Variants in LRRTM4 observed in about 807,000 individuals in gnomAD.
The protein encoded by LRRTM4 is leucine-rich repeat transmembrane neuronal protein 4.
A neutral mutation model predicts 47.6 loss-of-function variants in LRRTM4; 25 were observed. That is an observed-to-expected ratio of 0.53 (90% confidence interval 0.38 to 0.73). The LOEUF (loss-of-function observed/expected upper bound fraction) is 0.73, where lower values mean the gene tolerates loss of function less well. Ranked by LOEUF, LRRTM4 falls within the 30% of genes least tolerant of loss-of-function variation. LRRTM4 has a pLI of 0.00. For synonymous variants in LRRTM4, 311 were observed against 269.5 expected (o/e 1.15, Z -1.51); for missense variants, 638 against 713.4 (o/e 0.89, Z 1.20).
intron 3 of LRRTM4, among the ~76,000 whole-genome samples, chr2:77,053,522 T>G (rs1480431183): frequency 1.3e-5 from 2 of 152,198 alleles, no homozygotes; most frequent in Non-Finnish European, 2.9e-5. Flanking sequence ...TAAAGTTTGC[T>G]TTGTGTTTTC....
At chr2:77,122,686 T>C (rs535936220) in intron 3 of LRRTM4, among the ~76,000 whole-genome samples, 5 of 151,810 alleles carry the variant, frequency 3.3e-5, no homozygotes, top group Admixed American at 2.6e-4. Context: ...CTATTCACCA[T>C]AAATTTTTTT....
At chr2:77,035,321 T>C (rs925316390) in intron 3 of LRRTM4, among the ~76,000 whole-genome samples, 1 of 151,596 alleles carries the variant, frequency 6.6e-6, no homozygotes, top group Non-Finnish European at 1.5e-5. Context: ...TTTACTCAAG[T>C]TCCCCCGATG....
chr2:77,395,391 G>T (rs1673662823), intron 3 of LRRTM4, among the ~76,000 whole-genome samples: 1 of 151,940 alleles, frequency 6.6e-6, no homozygotes, highest in Admixed American at 6.6e-5. Flanking sequence ...AGGTATTAAT[G>T]TAGCCTGAGA....
intron 3 of LRRTM4, among the ~76,000 whole-genome samples, chr2:77,151,522 C>A (rs543324883): frequency 6.6e-6 from 1 of 152,256 alleles, no homozygotes; most frequent in Non-Finnish European, 1.5e-5. Flanking sequence ...AAATGTGGAA[C>A]AACCCAAGTG....
chr2:77,471,071 T>C (rs569327187), intron 3 of LRRTM4, among the ~76,000 whole-genome samples: 1 of 152,182 alleles, frequency 6.6e-6, no homozygotes, highest in African/African-American at 2.4e-5. Flanking sequence ...GTTCAGGCCT[T>C]TTCCCTGAAC....
chr2:77,221,311 A>C (rs1236161612), intron 3 of LRRTM4, among the ~76,000 whole-genome samples: 1 of 152,194 alleles, frequency 6.6e-6, no homozygotes, highest in East Asian at 1.9e-4. Context: ...CGAGCAAAAT[A>C]ACCAGCTAAC....
intron 3 of LRRTM4, among the ~76,000 whole-genome samples, chr2:77,388,007 A>C (rs1296338856): frequency 6.6e-6 from 1 of 152,048 alleles, no homozygotes; most frequent in East Asian, 1.9e-4. Context: ...TTTTCTGCTC[A>C]GATCACTCCT....
In LRRTM4 at chr2:77,370,269, C is replaced by T. The variant is rs1167362082; in HGVS notation, c.1551+148049G>A. Among the ~76,000 whole-genome samples the T allele has an allele frequency of 4.0e-5, 6 of 151,596 alleles. No homozygotes were observed. In the Admixed American group the frequency reaches 4.0e-4, roughly 10 times the overall value. On this transcript the variant is annotated intron_variant, in intron 3 of 3. Transcript: ENST00000409884. ...TGGACTCCCCTAAGGCTAATTCAAA[C>T]TCATGCCTGGAAAGAATCAAAAAAA... is the stretch of plus-strand genomic sequence containing the variant.
chr2:77,446,678 A>G (rs571987582), intron 3 of LRRTM4, among the ~76,000 whole-genome samples: 1 of 151,964 alleles, frequency 6.6e-6, no homozygotes, highest in Non-Finnish European at 1.5e-5. Context: ...CAAGAGTCAG[A>G]GCTTGGACTT....
intron 3 of LRRTM4, among the ~76,000 whole-genome samples, chr2:76,839,022 C>A (rs1431666086): frequency 1.3e-5 from 2 of 152,002 alleles, no homozygotes; most frequent in Admixed American, 6.6e-5. Context: ...ATGTGGGTAC[C>A]ATTATAGGAG....
intron 3 of LRRTM4, among the ~76,000 whole-genome samples, chr2:77,052,438 G>A (rs1007904307): frequency 6.6e-6 from 1 of 151,758 alleles, no homozygotes; most frequent in African/African-American, 2.4e-5. Context: ...CAAAGTGCTG[G>A]GATTACAGGT....
In LRRTM4 at chr2:76,784,119, A is replaced by G. The variant is rs377002899; in HGVS notation, c.1552-35203T>C. Among the ~76,000 whole-genome samples, 11 of 152,078 alleles carry G rather than the reference A, an allele frequency of 7.2e-5. No individual in the cohort carries two copies. The East Asian group carries it at 1.5e-3, about 21-fold the overall frequency. Reference sequence around the variant, plus strand: ...ATCCCCAAATTCATGATATATTAATATTTATCTGTTTTAATGTTCAGTGGT... The same window carrying G: ...ATCCCCAAATTCATGATATATTAATGTTTATCTGTTTTAATGTTCAGTGGT... On this transcript the variant is annotated intron_variant, in intron 3 of 3. Coordinates refer to ENST00000409884, the MANE Select transcript of LRRTM4 (RefSeq NM_001134745.3).
At chr2:77,491,767 A>G (rs1026278811) in intron 3 of LRRTM4, among the ~76,000 whole-genome samples, 1 of 151,938 alleles carries the variant, frequency 6.6e-6, no homozygotes, top group African/African-American at 2.4e-5. Flanking sequence ...GGCAGTGGGA[A>G]TGAAATTATT....
intron 3 of LRRTM4, among the ~76,000 whole-genome samples, chr2:76,806,623 G>T (rs1338004751): frequency 1.3e-5 from 2 of 151,774 alleles, no homozygotes; most frequent in African/African-American, 4.8e-5. Context: ...ATTTATAAAT[G>T]AATAACAGTT....
intron 3 of LRRTM4, among the ~76,000 whole-genome samples, chr2:77,056,290 T>C (rs1210358971): frequency 2.0e-5 from 3 of 152,152 alleles, no homozygotes; most frequent in African/African-American, 7.2e-5. Context: ...TTCTATGAAA[T>C]AAACTTGCTT....
chr2:77,170,957 T>TATGTATTATTAC (rs1234838952), intron 3 of LRRTM4, among the ~76,000 whole-genome samples: 1 of 150,554 alleles, frequency 6.6e-6, no homozygotes, highest in Non-Finnish European at 1.5e-5. Context: ...ATATGTATTA[T>TATGTATTATTAC]ATGTACGTAT....
chr2:77,083,761 T>C (rs1179136442), intron 3 of LRRTM4, among the ~76,000 whole-genome samples: 1 of 147,926 alleles, frequency 6.8e-6, no homozygotes, highest in Admixed American at 6.8e-5. Context: ...TAACAAAACT[T>C]CTCAATTTTT....
chr2:76,837,455 CTTTT>C (rs1487310533), intron 3 of LRRTM4, among the ~76,000 whole-genome samples: 1 of 151,862 alleles, frequency 6.6e-6, no homozygotes, highest in African/African-American at 2.4e-5. Context: ...TTTTCTAGTT[CTTTT>C]AATTGTGATG....
At chr2:77,442,936 A>G (rs1675904227) in intron 3 of LRRTM4, among the ~76,000 whole-genome samples, 1 of 152,168 alleles carries the variant, frequency 6.6e-6, no homozygotes, top group African/African-American at 2.4e-5. Flanking sequence ...GGCTTAAATG[A>G]TATAATCTGG....
Sources: gnomAD v4.1 joint callset for allele counts (sites outside exome capture counted in the v4.1 genomes callset) on GRCh38, gnomAD v4.1.1 for gene constraint, MANE v1.5 for transcripts, NCBI Gene and HGNC (gene_info 2026-07-23, HGNC 2026-07-21) for gene names.